GRIA3: variants seen among roughly 807,000 people sequenced by gnomAD.
GRIA3 encodes glutamate ionotropic receptor AMPA type subunit 3.
In GRIA3, 3 loss-of-function variants were observed where a neutral mutation model predicts 63.0. The ratio of observed to expected loss-of-function variants is 0.05; its 90% CI spans 0.02 to 0.12. GRIA3 has a LOEUF of 0.12. Ranked by LOEUF, GRIA3 falls within the 10% of genes least tolerant of loss-of-function variation. The probability of loss-of-function intolerance (pLI) is 1.00; values close to 1 mark genes in which losing one functional copy is unlikely to be tolerated. For missense variants in GRIA3, 347 were observed against 700.9 expected (o/e 0.50, Z 5.70); for synonymous variants, 274 against 257.9 (o/e 1.06, Z -0.60).
At chrX:123,308,658 G>C (rs1363119293) in intron 3 of GRIA3, among the ~76,000 whole-genome samples, 1 of 111,289 alleles carries the variant, frequency 9.0e-6, no homozygotes, top group Admixed American at 9.5e-5. Context: ...TTAGGACTTG[G>C]GTTACTGGAA....
intron 3 of GRIA3, among the ~76,000 whole-genome samples, chrX:123,311,335 A>G (rs1321945102): frequency 1.8e-5 from 2 of 112,397 alleles, no homozygotes; most frequent in South Asian, 3.7e-4. Context: ...AGCTGACCTT[A>G]GTGAGAAGCT....
chrX:123,374,027 T>C (rs1412898014), intron 5 of GRIA3, among the ~76,000 whole-genome samples: 1 of 111,935 alleles, frequency 8.9e-6, no homozygotes, highest in African/African-American at 3.3e-5. Flanking sequence ...CGAATTAATT[T>C]TTGTATAGGG....
chrX:123,280,547 A>C (rs1200556335), intron 3 of GRIA3, among the ~76,000 whole-genome samples: 3 of 112,289 alleles, frequency 2.7e-5, no homozygotes, highest in Admixed American at 9.5e-5. Context: ...AAGAATGTTG[A>C]AACAACGTAT....
intron 3 of GRIA3, among the ~76,000 whole-genome samples, chrX:123,311,603 G>C (rs1375830648): frequency 8.9e-6 from 1 of 112,047 alleles, no homozygotes; most frequent in African/African-American, 3.2e-5. Context: ...GAATAAGTAA[G>C]GACACAAACA....
At chrX:123,306,343 G>T (rs899227352) in intron 3 of GRIA3, among the ~76,000 whole-genome samples, 5 of 111,774 alleles carry the variant, frequency 4.5e-5, no homozygotes, top group Non-Finnish European at 7.5e-5. Flanking sequence ...CTGTGCCCCA[G>T]ACACACTCTT....
chrX:123,271,822 A>G (rs1178789572), intron 3 of GRIA3, among the ~76,000 whole-genome samples: 1 of 112,315 alleles, frequency 8.9e-6, no homozygotes, highest in Admixed American at 9.4e-5. Context: ...TGGTGGAGCC[A>G]GTGCTAGACG....
chrX:123,312,725 A>G (rs1021430605), intron 3 of GRIA3, among the ~76,000 whole-genome samples: 2 of 112,508 alleles, frequency 1.8e-5, no homozygotes, highest in African/African-American at 6.4e-5. Flanking sequence ...GCAAAGTGCA[A>G]GGGATATATC....
chrX:123,455,015 G>A (rs2045753977), intron 12 of GRIA3, among the ~76,000 whole-genome samples: 1 of 111,863 alleles, frequency 8.9e-6, no homozygotes, highest in Non-Finnish European at 1.9e-5. Context: ...AAGGAAACAT[G>A]TCCCTGGACT....
chrX:123,398,873 T>C (rs925438919), intron 7 of GRIA3, 70 bp downstream of exon 7: 7 of 881,412 alleles, frequency 7.9e-6, no homozygotes, highest in Non-Finnish European at 1.2e-5. Context: ...GACCTTGATC[T>C]TGAGAGAAGA....
chrX:123,285,169 A>T (rs1345987515), intron 3 of GRIA3, among the ~76,000 whole-genome samples: 1 of 111,603 alleles, frequency 9.0e-6, no homozygotes, highest in East Asian at 2.8e-4. Flanking sequence ...TAAGCAAAGA[A>T]GAAATAAAAT....
intron 14 of GRIA3, among the ~76,000 whole-genome samples, chrX:123,482,039 G>A (rs1374004551): frequency 2.7e-5 from 3 of 112,074 alleles, no homozygotes; most frequent in East Asian, 5.6e-4. Flanking sequence ...TCTAGGACCC[G>A]ATGGATCCTC....
At chrX:123,233,116 T>G (rs1455532705) in intron 2 of GRIA3, among the ~76,000 whole-genome samples, 3 of 110,170 alleles carry the variant, frequency 2.7e-5, no homozygotes, top group Non-Finnish European at 5.7e-5. Context: ...TCTTCTAGAG[T>G]CTACTTAGCC....
At chrX:123,462,075 C>G (rs1421045855) in intron 12 of GRIA3, among the ~76,000 whole-genome samples, 1 of 111,438 alleles carries the variant, frequency 9.0e-6, no homozygotes, top group Non-Finnish European at 1.9e-5. Context: ...TCCCAAAACA[C>G]ATCTGGAATC....
intron 2 of GRIA3, among the ~76,000 whole-genome samples, chrX:123,227,674 C>G (rs759749831): frequency 3.6e-5 from 4 of 112,158 alleles, no homozygotes; most frequent in Non-Finnish European, 7.5e-5. Flanking sequence ...TCATTATTTT[C>G]TGAGTGTAGC....
intron 3 of GRIA3, among the ~76,000 whole-genome samples, chrX:123,298,623 A>T (rs1042096738): frequency 9.0e-6 from 1 of 111,348 alleles, no homozygotes; most frequent in Non-Finnish European, 1.9e-5. Flanking sequence ...TATAGATGCT[A>T]TATATTATAC....
intron 5 of GRIA3, among the ~76,000 whole-genome samples, chrX:123,361,797 T>G (rs903208972): frequency 9.0e-5 from 10 of 111,405 alleles, no homozygotes; most frequent in Admixed American, 8.6e-4. Flanking sequence ...CTCCCCAAAC[T>G]CTCAGATTAT....
At chrX:123,279,645 G>A (rs2044574035) in intron 3 of GRIA3, among the ~76,000 whole-genome samples, 2 of 111,677 alleles carry the variant, frequency 1.8e-5, no homozygotes, top group African/African-American at 6.5e-5. Context: ...AAGGTGAAGA[G>A]GACTGAGAGG....
At chrX:123,371,158 T>C (rs1252968073) in intron 5 of GRIA3, among the ~76,000 whole-genome samples, 3 of 110,134 alleles carry the variant, frequency 2.7e-5, no homozygotes, top group African/African-American at 9.9e-5. Context: ...GCCTGGCTTA[T>C]TTCTCTTAGC....
At chrX:123,405,901 T>A (rs1056825013) in intron 10 of GRIA3, among the ~76,000 whole-genome samples, 3 of 112,590 alleles carry the variant, frequency 2.7e-5, no homozygotes, top group Non-Finnish European at 1.9e-5. Context: ...AAGATGTAGC[T>A]GATTCATTTC....
Sources: gnomAD v4.1 joint callset for allele counts (sites outside exome capture counted in the v4.1 genomes callset) on GRCh38, gnomAD v4.1.1 for gene constraint, MANE v1.5 for transcripts, NCBI Gene and HGNC (gene_info 2026-07-23, HGNC 2026-07-21) for gene names.